CTNNA2: variants seen among roughly 807,000 people sequenced by gnomAD.
CTNNA2 encodes the protein catenin alpha 2, also known as catenin alpha-2.
A neutral mutation model predicts 101.0 loss-of-function variants in CTNNA2; 42 were observed. The observed-to-expected ratio is 0.42, with a 90% CI of 0.32 to 0.54. The LOEUF is 0.54. CTNNA2 is among the 20% of genes least tolerant of loss of function. The pLI is 0.14. For missense variants in CTNNA2, 871 were observed against 1,223.1 expected, an observed-to-expected ratio of 0.71 and a Z score of 4.29; for synonymous variants, 450 against 456.4, an observed-to-expected ratio of 0.99 and a Z score of 0.18.
chr2:80,290,869 A>G (rs921699807), intron 7 of CTNNA2, among the ~76,000 whole-genome samples: 1 of 152,142 alleles, frequency 6.6e-6, no homozygotes, highest in Non-Finnish European at 1.5e-5. Context: ...GTAGAAAACA[A>G]ACAAACAATA....
At chr2:79,823,177 G>A (rs1190582684) in intron 3 of CTNNA2, among the ~76,000 whole-genome samples, 2 of 152,146 alleles carry the variant, frequency 1.3e-5, no homozygotes, top group Admixed American at 6.5e-5. Context: ...TTCTCTGCCT[G>A]TCTTCCCTAG....
intron 6 of CTNNA2, among the ~76,000 whole-genome samples, chr2:79,907,264 A>G (rs1234579866): frequency 1.3e-5 from 2 of 152,162 alleles, no homozygotes; most frequent in Non-Finnish European, 2.9e-5. Context: ...TAGTCTAATT[A>G]TATTTTTACC....
At chr2:79,920,698 C>T (rs989901497) in intron 7 of CTNNA2, among the ~76,000 whole-genome samples, 4 of 152,198 alleles carry the variant, frequency 2.6e-5, no homozygotes, top group Admixed American at 2.0e-4. Context: ...CTTCATGACT[C>T]ACTATGCAGT....
intron 7 of CTNNA2, among the ~76,000 whole-genome samples, chr2:80,289,859 C>T (rs1331000653): frequency 6.6e-6 from 1 of 152,164 alleles, no homozygotes; most frequent in Non-Finnish European, 1.5e-5. Flanking sequence ...CTCCCTGCTC[C>T]CTGCTACGGA....
chr2:80,170,838 G>A (rs1419900109), intron 7 of CTNNA2, among the ~76,000 whole-genome samples: 2 of 152,106 alleles, frequency 1.3e-5, no homozygotes, highest in Non-Finnish European at 2.9e-5. Context: ...TTATGCTGGG[G>A]TTGCTTTTAT....
At chr2:79,305,773 C>T (rs1461634918) in intron 2 of CTNNA2, among the ~76,000 whole-genome samples, 9 of 152,010 alleles carry the variant, frequency 5.9e-5, no homozygotes, top group East Asian at 3.9e-4. Context: ...TGGCCGGGTG[C>T]GGTGGATTAT....
intron 1 of CTNNA2, among the ~76,000 whole-genome samples, chr2:79,633,311 T>C (rs1018156392): frequency 1.3e-5 from 2 of 152,168 alleles, no homozygotes; most frequent in Non-Finnish European, 2.9e-5. Flanking sequence ...GTTACAACAG[T>C]GCACAGGGGA....
intron 9 of CTNNA2, among the ~76,000 whole-genome samples, chr2:80,465,607 C>T (rs576079980): frequency 6.6e-6 from 1 of 152,252 alleles, no homozygotes; most frequent in African/African-American, 2.4e-5. Context: ...GAAATCAAAG[C>T]AGCCCATCAA....
intron 9 of CTNNA2, among the ~76,000 whole-genome samples, chr2:80,420,880 G>A (rs947574842): frequency 6.6e-6 from 1 of 152,216 alleles, no homozygotes; most frequent in African/African-American, 2.4e-5. Context: ...ACTTCCTGCT[G>A]TAACCCCAAT....
intron 4 of CTNNA2, among the ~76,000 whole-genome samples, chr2:79,476,629 C>A (rs776367432): frequency 3.9e-5 from 6 of 152,256 alleles, no homozygotes; most frequent in Non-Finnish European, 5.9e-5. Context: ...TCTGCTACTG[C>A]CAACTTGACT....
chr2:79,955,334 G>A (rs78327815), intron 7 of CTNNA2, among the ~76,000 whole-genome samples: 1,887 of 152,244 alleles, frequency 0.012, 81 homozygotes, highest in East Asian at 0.083. Context: ...GGGGAGTTTC[G>A]TGTTATGCTT....
rs192363083 is a variant in CTNNA2, at chr2:80,021,056, C to T, written c.1056+111259C>T. On this transcript the variant is annotated intron_variant, in intron 7 of 18. Transcript: ENST00000402739. ...TGGCTCTGTCGCCCAGGCTGGAGTG[C>T]GGTGGCGTGATCTTGGCTCACTGCA... Among the ~76,000 whole-genome samples the T allele has an allele frequency of 4.4e-3, 582 of 131,906 alleles. 2 individuals carry two copies. The highest frequency in any genetic ancestry group is 5.9e-3 in the Non-Finnish European group (389 of 65,828). 86.5% of individuals were successfully genotyped at this position (131,906 alleles called of 152,430 possible).
At chr2:79,388,048 A>T (rs1678124711) in intron 4 of CTNNA2, among the ~76,000 whole-genome samples, 1 of 152,172 alleles carries the variant, frequency 6.6e-6, no homozygotes, top group Non-Finnish European at 1.5e-5. Flanking sequence ...TGTTGAAATA[A>T]TTGTGGTTTT....
intron 7 of CTNNA2, among the ~76,000 whole-genome samples, chr2:80,091,648 A>G (rs988323210): frequency 1.3e-5 from 2 of 152,202 alleles, no homozygotes. Context: ...TATTATGCCA[A>G]TGACATCAGA....
intron 7 of CTNNA2, among the ~76,000 whole-genome samples, chr2:80,362,495 C>T (rs1341016701): frequency 6.6e-6 from 1 of 152,116 alleles, no homozygotes; most frequent in Admixed American, 6.6e-5. Context: ...TAATAACACT[C>T]TTAATTATTT....
chr2:80,368,279 A>T (rs572125507), intron 7 of CTNNA2, among the ~76,000 whole-genome samples: 14 of 152,196 alleles, frequency 9.2e-5, no homozygotes, highest in Admixed American at 9.2e-4. Flanking sequence ...GAGGATTAAA[A>T]TGAAATAAGG....
chr2:79,381,148 C>T (rs7567918), intron 4 of CTNNA2, among the ~76,000 whole-genome samples: 126,725 of 152,118 alleles, frequency 0.83, 53,287 homozygotes, highest in African/African-American at 0.94. Context: ...CATAGCACCA[C>T]AGTGAGTAAG....
At chr2:79,404,302 A>G (rs1413232705) in intron 4 of CTNNA2, among the ~76,000 whole-genome samples, 2 of 152,026 alleles carry the variant, frequency 1.3e-5, no homozygotes, top group African/African-American at 2.4e-5. Flanking sequence ...TCTTTGTGAC[A>G]GCAGATCTAC....
Position 80,069,824 on chromosome 2 carries a change from A to G in CTNNA2, c.1056+160027A>G, listed in dbSNP as rs575763751. On this transcript the variant is annotated intron_variant, in intron 7 of 18. Transcript: ENST00000402739. Reference sequence around the variant, plus strand: ...TTATAGCTACCTTCTTCTACTATGCATTCTGTTCCCTTTGCCTTCAGCAAG... The same window carrying G: ...TTATAGCTACCTTCTTCTACTATGCGTTCTGTTCCCTTTGCCTTCAGCAAG... Among the ~76,000 whole-genome samples, 11 of 152,262 alleles carry G rather than the reference A, an allele frequency of 7.2e-5. No individual in the cohort carries two copies. In the South Asian group the frequency reaches 1.9e-3, roughly 26 times the overall value.
Sources: gnomAD v4.1 joint callset for allele counts (sites outside exome capture counted in the v4.1 genomes callset) on GRCh38, gnomAD v4.1.1 for gene constraint, MANE v1.5 for transcripts, NCBI Gene and HGNC (gene_info 2026-07-23, HGNC 2026-07-21) for gene names.